The following ASH2L variants were observed in gnomAD, a reference collection of about 807,000 sequenced individuals.
ASH2L encodes the protein set1/Ash2 histone methyltransferase complex subunit ASH2.
ASH2L carries 30 observed loss-of-function variants against 81.1 expected under a neutral mutation model. The observed-to-expected ratio is 0.37, with a 90% CI of 0.28 to 0.50. The LOEUF (loss-of-function observed/expected upper bound fraction) is 0.50. ASH2L is among the 20% of genes least tolerant of loss of function. The pLI, the probability that ASH2L is intolerant of heterozygous loss-of-function variation, is 0.95. For synonymous variants in ASH2L, 273 were observed against 279.9 expected (o/e 0.98, Z 0.24); for missense variants, 559 against 792.1 (o/e 0.71, Z 3.53).
rs1445094142 is a variant in ASH2L, at chr8:38,105,572, C to G, written c.22C>G (p.Pro8Ala). 1.3e-6 allele frequency: 2 copies of G among 1,581,548 alleles called. No individual in the cohort carries two copies. Residue 8 changes from proline to alanine, a missense_variant, in exon 1 of 16, where the codon CCT (proline) becomes GCT (alanine). Physicochemically the swap from Pro to Ala is conservative, Grantham distance 27 (BLOSUM62 -1). Coordinates refer to ENST00000343823, the MANE Select transcript of ASH2L (RefSeq NM_004674.5). ...CGTGATGGCGGCGGCAGGAGCAGGA[C>G]CTGGCCAGGAAGCGGGTGCCGGGCC... is the stretch of plus-strand genomic sequence containing the variant. MAAAGAG[P>A]GQEAGAGPGP...
At chr8:38,121,327 T>TTTTATTTA (rs772301956) in intron 10 of ASH2L, among the ~76,000 whole-genome samples, 178 bp downstream of exon 10, 2 of 48,760 alleles carry the variant, frequency 4.1e-5, no homozygotes, top group Middle Eastern at 0.011. Context: ...GCTCCAGCCG[T>TTTTATTTA]TTTATTTATA....
rs564939534 is a variant in ASH2L, at chr8:38,109,263, C to A, written c.402-1116C>A. On this transcript the variant is annotated intron_variant, in intron 3 of 15. Transcript: ENST00000343823. The stretch of plus-strand genomic sequence containing the variant: ...GTTTTGTCTTTGTAAATAAGCTTAT[C>A]ACAATAGTCTGTTAAACAGAAGAGG... Among the ~76,000 whole-genome samples the A allele has an allele frequency of 2.0e-5, 3 of 152,144 alleles. No homozygotes were observed. The East Asian group carries it at 5.8e-4, about 29-fold the overall frequency.
At chr8:38,131,892 G>T (rs1802073501) in intron 12 of ASH2L, among the ~76,000 whole-genome samples, 1 of 151,582 alleles carries the variant, frequency 6.6e-6, no homozygotes, top group South Asian at 2.1e-4. Context: ...TGTCGCCCAG[G>T]CTGGAGTGCA....
rs1810380284 is a variant in ASH2L at position 38,105,571 on chromosome 8, A to T, written c.21A>T (p.Gly7=). MAAAGA[G]PGQEAGAGPG... ...CCGTGATGGCGGCGGCAGGAGCAGG[A>T]CCTGGCCAGGAAGCGGGTGCCGGGC... Residue 7 remains glycine, a synonymous_variant, in exon 1 of 16, where the codon GGA becomes GGT. Coordinates refer to ENST00000343823, the MANE Select transcript of ASH2L (RefSeq NM_004674.5). 9 of 1,580,922 alleles carry T rather than the reference A, an allele frequency of 5.7e-6. No homozygotes were observed. The highest frequency in any genetic ancestry group is 7.7e-6 in the Non-Finnish European group (9 of 1,162,352).
At chr8:38,115,485 A>G (rs1198673054) in intron 7 of ASH2L, among the ~76,000 whole-genome samples, 3 of 152,206 alleles carry the variant, frequency 2.0e-5, no homozygotes, top group Non-Finnish European at 4.4e-5. Flanking sequence ...GTGTCTTTAC[A>G]TGTTTGATTT....
At chr8:38,118,960 G>T (rs75874274) in intron 8 of ASH2L, 12 of 241,624 alleles carry the variant, frequency 5.0e-5, no homozygotes, top group Non-Finnish European at 7.3e-5. Flanking sequence ...GAGTGAGAAT[G>T]CATTTGTGTC....
Position 38,105,652 on chromosome 8 carries a change from G to A in ASH2L, c.102G>A (p.Pro34=), listed in dbSNP as rs765354700. 1 of 1,595,700 alleles carries A rather than the reference G, an allele frequency of 6.3e-7. No individual in the cohort carries two copies. The highest frequency in any genetic ancestry group is 8.5e-7 in the Non-Finnish European group (1 of 1,172,970). ...GGGCAGAAGAGGGGGAGATGAAGCC[G>A]GTGGCAGCGGGAGCAGCCGCTCCTC... The part of the protein sequence containing the change: ...ATGAEEGEMK[P]VAAGAAAPPG... Residue 34 remains proline, a synonymous_variant, in exon 1 of 16, where the codon CCG becomes CCA. Coordinates refer to ENST00000343823, the MANE Select transcript of ASH2L (RefSeq NM_004674.5).
At chr8:38,126,849 G>A (rs1289787777) in intron 10 of ASH2L, among the ~76,000 whole-genome samples, 1 of 944 alleles carries the variant, frequency 1.1e-3, no homozygotes, top group Non-Finnish European at 3.6e-3. Flanking sequence ...GCGAGACTCT[G>A]TCTCAAAAAA....
Position 38,130,969 on chromosome 8 carries a change from A to G in ASH2L, c.1527+2018A>G, listed in dbSNP as rs796876847. 1.3e-5 allele frequency among the ~76,000 whole-genome samples: 2 copies of G among 152,156 alleles called. 1 individual carries two copies. The highest frequency in any genetic ancestry group is 4.8e-5 in the African/African-American group (2 of 41,502). On this transcript the variant is annotated intron_variant, in intron 12 of 15. Transcript: ENST00000343823. ...CATATGTTAACTCTTTCCTTTCTCCACTGGATTTCTTTGATGCCTTTATTG... is the reference window on the plus strand; with the variant it reads ...CATATGTTAACTCTTTCCTTTCTCCGCTGGATTTCTTTGATGCCTTTATTG...
chr8:38,123,776 C>T (rs1333641132), intron 10 of ASH2L, among the ~76,000 whole-genome samples: 1 of 152,170 alleles, frequency 6.6e-6, no homozygotes, highest in African/African-American at 2.4e-5. Flanking sequence ...CTAGTTTATC[C>T]TTGCTGTATT....
intron 14 of ASH2L, 82 bp from the exon 15 acceptor site, chr8:38,138,734 T>C: frequency 8.2e-7 from 1 of 1,220,524 alleles, no homozygotes; most frequent in Non-Finnish European, 1.2e-6. Flanking sequence ...ACATTTAAAG[T>C]GAAAATTTCC....
At chr8:38,117,903 C>CA (rs1039685691) in intron 8 of ASH2L, 3 of 152,102 alleles carry the variant, frequency 2.0e-5, no homozygotes, top group East Asian at 1.9e-4. Flanking sequence ...ACTAAAAATA[C>CA]AAAAAATTAG....
At chr8:38,109,965 G>A (rs1049598072) in intron 3 of ASH2L, among the ~76,000 whole-genome samples, 10 of 152,144 alleles carry the variant, frequency 6.6e-5, no homozygotes, top group African/African-American at 2.4e-4. Context: ...TTTCGTGACA[G>A]AAAAATCCAG....
rs1323750170 is a variant in ASH2L at position 38,119,109 on chromosome 8, A to G, written c.854-161A>G. ...TCCCAGGCTATGAGATGCTCAGTAGATTCTTTGAAAACTAGGGTGAAATCC... is the reference window on the plus strand; with the variant it reads ...TCCCAGGCTATGAGATGCTCAGTAGGTTCTTTGAAAACTAGGGTGAAATCC... On this transcript the variant is annotated intron_variant, in intron 8 of 15. Transcript: ENST00000343823. 7 of 634,002 alleles carry G rather than the reference A, an allele frequency of 1.1e-5. No individual in the cohort carries two copies. In the East Asian group the frequency reaches 1.9e-4, roughly 18 times the overall value. The allele number at this position is 634,002 out of a possible 1,614,324, so 39.3% of individuals were successfully genotyped here. A position where few individuals can be genotyped will look rare whatever the true frequency, so the allele number is the denominator to read the frequency against.
intron 10 of ASH2L, among the ~76,000 whole-genome samples, chr8:38,126,296 A>G (rs952813917): frequency 6.6e-6 from 1 of 152,176 alleles, no homozygotes; most frequent in Non-Finnish European, 1.5e-5. Context: ...TGTCAAGCTT[A>G]TGAAAGGTTG....
At position 38,106,508 on chromosome 8, in the gene ASH2L, T is replaced by TC. The variant is rs201274661; in HGVS notation, c.255+64_255+65insC. 2,534 of 672,354 alleles carry TC rather than the reference T, an allele frequency of 3.8e-3. 9 individuals are homozygous for TC. The highest frequency in any genetic ancestry group is 0.038 in the Middle Eastern group (120 of 3,184). 41.6% of individuals were successfully genotyped at this position (672,354 alleles called of 1,614,324 possible). On this transcript the variant is annotated intron_variant, in intron 2 of 15. Transcript: ENST00000343823. ...TGTTTTAGTTATTTCTTCTTCTTCTTTTTTTTTTTTTTTTGTTGCGACGGA... is the reference window on the plus strand; with the variant it reads ...TGTTTTAGTTATTTCTTCTTCTTCTTCTTTTTTTTTTTTTTGTTGCGACGGA...
At position 38,107,036 on chromosome 8, in the gene ASH2L, A is replaced by G; in HGVS notation, c.271A>G (p.Thr91Ala). 1.2e-6 allele frequency: 2 copies of G among 1,614,084 alleles called. No individual in the cohort carries two copies. The highest frequency in any genetic ancestry group is 2.2e-5 in the East Asian group (1 of 44,874). ...TCTGACACAGGAAGGTGCTGGGGAT[A>G]CATCAGAGGTGATGGATACTCAGGC... is the stretch of plus-strand genomic sequence containing the variant. The part of the protein sequence containing the change: ...GKDTLEGAGD[T>A]SEVMDTQAGS... The change falls in exon 3 of 16, where the codon ACA (threonine) becomes GCA (alanine). Residue 91 changes from threonine to alanine, a missense_variant. Coordinates refer to ENST00000343823, the MANE Select transcript of ASH2L (RefSeq NM_004674.5).
intron 10 of ASH2L, 124 bp from the exon 11 acceptor site, chr8:38,128,167 T>C: frequency 7.6e-6 from 9 of 1,182,722 alleles, no homozygotes; most frequent in Non-Finnish European, 7.2e-6. Flanking sequence ...TCAACTAATA[T>C]TTCAAACACC....
intron 1 of ASH2L, chr8:38,105,949 C>T (rs1810407309): frequency 1.3e-6 from 2 of 1,510,682 alleles, no homozygotes; most frequent in Non-Finnish European, 1.8e-6. Flanking sequence ...GGAGCTGAGG[C>T]TCCTGTCGTT....
Sources: allele counts gnomAD v4.1 joint callset (sites outside exome capture counted in the v4.1 genomes callset), GRCh38; gene constraint gnomAD v4.1.1; transcripts MANE v1.5; gene names NCBI Gene and HGNC (gene_info 2026-07-23, HGNC 2026-07-21).